Variants in SUGP1 observed in about 807,000 individuals in gnomAD.
SUGP1 encodes SURP and G-patch domain-containing protein 1.
In SUGP1, 34 loss-of-function variants were observed where a neutral mutation model predicts 76.5. That is an observed-to-expected ratio of 0.44 (90% CI 0.34 to 0.59). The LOEUF (loss-of-function observed/expected upper bound fraction) is 0.59, where lower values mean the gene tolerates loss of function less well. Among genes scored for constraint, SUGP1 ranks in the 20% least tolerant of loss-of-function variants. The probability of loss-of-function intolerance (pLI) is 0.01; values close to 1 mark genes in which losing one functional copy is unlikely to be tolerated. For synonymous variants in SUGP1, 326 were observed against 326.2 expected (o/e 1.00, Z 0.01); for missense variants, 752 against 851.7 (o/e 0.88, Z 1.46).
intron 2 of SUGP1, among the ~76,000 whole-genome samples, chr19:19,311,018 TGCAG>T (rs1239127572): frequency 1.3e-5 from 2 of 152,042 alleles, no homozygotes; most frequent in Non-Finnish European, 2.9e-5. Context: ...TAACAGGGAC[TGCAG>T]GCATGTGCCA....
At chr19:19,298,376 T>C (rs1305403411) in intron 7 of SUGP1, among the ~76,000 whole-genome samples, 1 of 152,186 alleles carries the variant, frequency 6.6e-6, no homozygotes, top group African/African-American at 2.4e-5. Context: ...TACACGCCTG[T>C]AGTCCCAACT....
chr19:19,287,052 A>G (rs1228971207), intron 8 of SUGP1, among the ~76,000 whole-genome samples: 2 of 152,220 alleles, frequency 1.3e-5, no homozygotes, highest in Non-Finnish European at 2.9e-5. Context: ...AGGCAGATGG[A>G]TCATTTGAGG....
intron 3 of SUGP1, among the ~76,000 whole-genome samples, chr19:19,307,163 C>A (rs373440371): frequency 6.6e-6 from 1 of 152,108 alleles, no homozygotes; most frequent in Non-Finnish European, 1.5e-5. Context: ...GCAATCCTCC[C>A]AGCTCAGCCT....
rs1421799828 is a variant in SUGP1 at position 19,310,712 on chromosome 19, T to TGGCTCACTGCAACCTC, written c.207-528_207-513dup. 7.9e-5 allele frequency among the ~76,000 whole-genome samples: 12 copies of TGGCTCACTGCAACCTC among 152,292 alleles called. No individual in the cohort carries two copies. In the East Asian group the frequency reaches 2.3e-3, roughly 29 times the overall value. Reference sequence around the variant, plus strand: ...AGGCTGGAGTGCAGTGGGGCAATCTTGGCTCACTGCAACCTCCTCCACCCA... The same window carrying TGGCTCACTGCAACCTC: ...AGGCTGGAGTGCAGTGGGGCAATCTTGGCTCACTGCAACCTCGGCTCACTGCAACCTCCTCCACCCA... On this transcript the variant is annotated intron_variant, in intron 2 of 13. Coordinates refer to ENST00000247001, the MANE Select transcript of SUGP1 (RefSeq NM_172231.4).
chr19:19,300,387 T>C (rs1435654470), intron 7 of SUGP1, among the ~76,000 whole-genome samples: 1 of 152,246 alleles, frequency 6.6e-6, no homozygotes, highest in Non-Finnish European at 1.5e-5. Context: ...CCAGCTTCTT[T>C]ATAGCCATGC....
chr19:19,276,297 C>T lies in SUGP1; in HGVS notation c.*351G>A, dbSNP rs1456880096. The T allele has an allele frequency of 2.1e-5, 5 of 234,744 alleles. No individual in the cohort carries two copies. The highest frequency in any genetic ancestry group is 1.0e-4 in the East Asian group (1 of 9,554). 14.5% of individuals were successfully genotyped at this position (234,744 alleles called of 1,614,324 possible). A position where few individuals can be genotyped will look rare whatever the true frequency, so the allele number is the denominator to read the frequency against. On this transcript the variant is annotated 3_prime_UTR_variant, in exon 14 of 14. Transcript: ENST00000247001. ...AACTCCTGACCTCCAGTGATCCGCC[C>T]GCCTTGGCCTCTCAAAGTGCTGGGA...
intron 8 of SUGP1, among the ~76,000 whole-genome samples, chr19:19,296,501 G>T (rs574418362): frequency 6.6e-6 from 1 of 152,066 alleles, no homozygotes; most frequent in Non-Finnish European, 1.5e-5. Context: ...CAAAAAATTA[G>T]GCGGGCATGG....
intron 4 of SUGP1, among the ~76,000 whole-genome samples, chr19:19,304,360 G>A (rs2061298720): frequency 6.6e-6 from 1 of 152,098 alleles, no homozygotes; most frequent in Non-Finnish European, 1.5e-5. Context: ...GGCCCCAGGA[G>A]TCTCTGATGG....
intron 2 of SUGP1, among the ~76,000 whole-genome samples, chr19:19,312,747 G>C (rs1272743948): frequency 6.6e-6 from 1 of 152,116 alleles, no homozygotes; most frequent in Non-Finnish European, 1.5e-5. Flanking sequence ...CAGCACTTTG[G>C]GAGGCCAAGG....
chr19:19,301,277 G>A (rs1013708200), intron 7 of SUGP1, among the ~76,000 whole-genome samples: 3 of 152,042 alleles, frequency 2.0e-5, no homozygotes, highest in African/African-American at 7.2e-5. Flanking sequence ...ACCAGACTGG[G>A]GCACACCTGA....
intron 5 of SUGP1, 84 bp from the exon 6 acceptor site, chr19:19,303,532 A>C (rs1322015470): frequency 7.0e-7 from 1 of 1,435,726 alleles, no homozygotes; most frequent in Non-Finnish European, 9.8e-7. Context: ...CGTGCAAAAA[A>C]AGGCAGGCTG....
In SUGP1 at chr19:19,293,808, A is replaced by G. The variant is rs1284523509; in HGVS notation, c.1243+3181T>C. Among the ~76,000 whole-genome samples, 3 of 152,228 alleles carry G rather than the reference A, an allele frequency of 2.0e-5. No homozygotes were observed. In the East Asian group the frequency reaches 5.8e-4, roughly 29 times the overall value. ...AGAGGAATTAGGCAGAAAAAGAAATAAGAAGTATCCAAGTTGGAAAAGAAC... is the reference window on the plus strand; with the variant it reads ...AGAGGAATTAGGCAGAAAAAGAAATGAGAAGTATCCAAGTTGGAAAAGAAC... On this transcript the variant is annotated intron_variant, in intron 8 of 13. Coordinates refer to ENST00000247001, the MANE Select transcript of SUGP1 (RefSeq NM_172231.4).
At chr19:19,314,877 A>G (rs1450764422) in intron 2 of SUGP1, among the ~76,000 whole-genome samples, 1 of 152,212 alleles carries the variant, frequency 6.6e-6, no homozygotes, top group Non-Finnish European at 1.5e-5. Flanking sequence ...TCTACTAAAA[A>G]TACAAAATTG....
chr19:19,297,420 T>TGGCCTTCTGGGCAGGAGCAGTTCG, intron 7 of SUGP1, 76 bp from the exon 8 acceptor site: 3 of 1,274,432 alleles, frequency 2.4e-6, no homozygotes, highest in Non-Finnish European at 3.2e-6. Flanking sequence ...GGAGCAGTTC[T>TGGCCTTCTGGGCAGGAGCAGTTCG]GGCCTTGTGT....
chr19:19,319,706 C>CAAAAAA (rs570232030), intron 1 of SUGP1, among the ~76,000 whole-genome samples: 11 of 69,252 alleles, frequency 1.6e-4, no homozygotes, highest in South Asian at 6.4e-4. Flanking sequence ...GACCCTGTCT[C>CAAAAAA]AAAAAAAAAA....
At chr19:19,310,224 G>A (rs1321780877) in intron 2 of SUGP1, 24 bp from the exon 3 acceptor site, 1 of 1,583,734 alleles carries the variant, frequency 6.3e-7, no homozygotes, top group African/African-American at 1.3e-5. Context: ...AGAGGACAGA[G>A]AGGGTGAGCT....
In SUGP1 at chr19:19,305,938, T is replaced by C. The variant is rs1331224160; in HGVS notation, c.449A>G (p.Lys150Arg). 1.2e-6 allele frequency: 2 copies of C among 1,613,394 alleles called. No individual in the cohort carries two copies. The highest frequency in any genetic ancestry group is 3.3e-5 in the Admixed American group (2 of 60,016). The part of the protein sequence containing the change: ...PGPVKSYSHA[K>R]QLPVAHRPSV... ...CGGGCGGTGCGCCACGGGCAGCTGC[T>C]TGGCGTGGGAGTAGCTCTTCACAGG... Residue 150 changes from lysine (K) to arginine (R), a missense_variant, in exon 4 of 14, where the codon AAG becomes AGG. By Grantham distance (26) the Lys-to-Arg change is conservative (BLOSUM62 2). Around this residue, in one of 2 missense-constraint regions of SUGP1, gnomAD observed 620 missense variants for 617.3 expected, o/e 1.00. Coordinates refer to ENST00000247001, the MANE Select transcript of SUGP1 (RefSeq NM_172231.4).
At chr19:19,302,566 GCCCCCACCCCCGA>G in intron 6 of SUGP1, 178 bp from the exon 7 acceptor site, 9 of 901,158 alleles carry the variant, frequency 1.0e-5, no homozygotes, top group South Asian at 1.8e-5. Flanking sequence ...CACACCTCAA[GCCCCCACCCCCGA>G]CCCCCGCCCC....
intron 8 of SUGP1, among the ~76,000 whole-genome samples, chr19:19,286,864 C>T (rs963623044): frequency 6.6e-6 from 1 of 152,032 alleles, no homozygotes; most frequent in African/African-American, 2.4e-5. Flanking sequence ...GCTAACATGG[C>T]GAAACCACAT....
Sources: gnomAD v4.1 joint callset for allele counts (sites outside exome capture counted in the v4.1 genomes callset) on GRCh38, gnomAD v4.1.1 for gene constraint, gnomAD v4.1.1 regional missense constraint, MANE v1.5 for transcripts, NCBI Gene and HGNC (gene_info 2026-07-23, HGNC 2026-07-21) for gene names.